Variants in GPM6A observed in about 807,000 individuals in gnomAD.
The protein encoded by GPM6A is neuronal membrane glycoprotein M6-a.
A neutral mutation model predicts 32.1 loss-of-function variants in GPM6A; 7 were observed. That is an observed-to-expected ratio of 0.22 (90% CI 0.12 to 0.41). The LOEUF (loss-of-function observed/expected upper bound fraction) is 0.41, where lower values mean the gene tolerates loss of function less well. GPM6A is among the 10% of genes least tolerant of loss of function. The probability of loss-of-function intolerance (pLI) is 1.00; values close to 1 mark genes in which losing one functional copy is unlikely to be tolerated. For missense variants in GPM6A, 235 were observed against 347.2 expected (o/e 0.68, Z 2.57); for synonymous variants, 130 against 123.4 (o/e 1.05, Z -0.35).
At chr4:175,789,545 G>A (rs1733928079) in intron 1 of GPM6A, among the ~76,000 whole-genome samples, 1 of 152,046 alleles carries the variant, frequency 6.6e-6, no homozygotes, top group African/African-American at 2.4e-5. Context: ...TAGGCTAAAT[G>A]TCTTCTGAGG....
At chr4:175,638,452 GCTTT>G (rs1345306181) in intron 6 of GPM6A, among the ~76,000 whole-genome samples, 1 of 151,944 alleles carries the variant, frequency 6.6e-6, no homozygotes, top group African/African-American at 2.4e-5. Flanking sequence ...AATCTTCTAA[GCTTT>G]CTGTTTTAAA....
At chr4:175,745,620 A>C (rs555666549) in intron 1 of GPM6A, among the ~76,000 whole-genome samples, 1 of 152,330 alleles carries the variant, frequency 6.6e-6, no homozygotes, top group Admixed American at 6.5e-5. Flanking sequence ...GTTCACAGAA[A>C]TCCTCATAAC....
chr4:175,764,852 T>C (rs1270512927), intron 1 of GPM6A, among the ~76,000 whole-genome samples: 1 of 141,554 alleles, frequency 7.1e-6, no homozygotes, highest in East Asian at 2.0e-4. Flanking sequence ...AAGGCATTAT[T>C]ATTATTATTA....
chr4:175,685,906 G>A (rs1417348102), intron 2 of GPM6A, among the ~76,000 whole-genome samples: 1 of 151,718 alleles, frequency 6.6e-6, no homozygotes, highest in East Asian at 1.9e-4. Context: ...AAGTAAAAAT[G>A]ATCATTAAAA....
At chr4:175,881,317 T>A (rs1227916993) in intron 1 of GPM6A, among the ~76,000 whole-genome samples, 1 of 152,154 alleles carries the variant, frequency 6.6e-6, no homozygotes, top group Admixed American at 6.5e-5. Context: ...CCAGTTAGAA[T>A]GGCGATCATT....
At chr4:175,827,808 AT>A (rs1294795643) in intron 1 of GPM6A, among the ~76,000 whole-genome samples, 1 of 152,174 alleles carries the variant, frequency 6.6e-6, no homozygotes, top group Non-Finnish European at 1.5e-5. Flanking sequence ...TTCATCAGGG[AT>A]TTAGTGAGGA....
intron 2 of GPM6A, among the ~76,000 whole-genome samples, chr4:175,700,921 C>A (rs1012743538): frequency 2.6e-5 from 4 of 152,238 alleles, no homozygotes; most frequent in African/African-American, 9.6e-5. Context: ...GAAATTTCAA[C>A]AGCAAACTTT....
chr4:175,782,114 C>T (rs765677899), intron 1 of GPM6A, among the ~76,000 whole-genome samples: 1 of 152,098 alleles, frequency 6.6e-6, no homozygotes, highest in African/African-American at 2.4e-5. Flanking sequence ...CTATAATAAT[C>T]ACAGCATTGT....
At chr4:175,812,326 T>TTTTTTTA, upstream of GPM6A, 1 of 1,385,958 alleles carries the variant, frequency 7.2e-7, no homozygotes, top group Non-Finnish European at 9.3e-7. Flanking sequence ...TTTTTTTTTT[T>TTTTTTTA]TTTTTTTTTT....
At chr4:175,791,402 C>T (rs923557336) in intron 1 of GPM6A, among the ~76,000 whole-genome samples, 1 of 152,160 alleles carries the variant, frequency 6.6e-6, no homozygotes, top group African/African-American at 2.4e-5. Flanking sequence ...ATTAAGGTCT[C>T]AGAGGTTAAG....
intron 1 of GPM6A, among the ~76,000 whole-genome samples, chr4:175,997,415 G>T (rs570043900): frequency 3.1e-4 from 47 of 151,748 alleles, no homozygotes; most frequent in Non-Finnish European, 5.7e-4. Flanking sequence ...TCATAAAAGT[G>T]TTCTTGATTT....
intron 1 of GPM6A, among the ~76,000 whole-genome samples, chr4:175,713,251 G>A (rs965734281): frequency 1.1e-4 from 16 of 151,948 alleles, no homozygotes; most frequent in Admixed American, 2.0e-4. Flanking sequence ...CGCCCAGGCC[G>A]GAATGCGATG....
chr4:175,787,349 C>A (rs1733842746), intron 1 of GPM6A: 2 of 1,533,962 alleles, frequency 1.3e-6, no homozygotes, highest in Admixed American at 2.0e-5. Context: ...CCAGGTCTGT[C>A]ATAAAAGTGT....
chr4:175,831,433 C>A (rs1247895391), intron 1 of GPM6A, among the ~76,000 whole-genome samples: 1 of 152,144 alleles, frequency 6.6e-6, no homozygotes, highest in Non-Finnish European at 1.5e-5. Context: ...TGACTATAGA[C>A]AGTAATTTAT....
At chr4:175,984,227 A>T (rs979272527) in intron 1 of GPM6A, among the ~76,000 whole-genome samples, 3 of 152,158 alleles carry the variant, frequency 2.0e-5, no homozygotes, top group Non-Finnish European at 4.4e-5. Context: ...CAGTGGCATG[A>T]TCTCAGCTCA....
At chr4:175,768,470 G>A (rs1733059638) in intron 1 of GPM6A, among the ~76,000 whole-genome samples, 2 of 152,098 alleles carry the variant, frequency 1.3e-5, no homozygotes, top group South Asian at 4.2e-4. Context: ...GATTCAAGGT[G>A]TTTCTTGGGA....
At chr4:175,841,983 C>T (rs1054999714) in intron 1 of GPM6A, among the ~76,000 whole-genome samples, 2 of 152,040 alleles carry the variant, frequency 1.3e-5, no homozygotes, top group Non-Finnish European at 2.9e-5. Flanking sequence ...CATGAATATA[C>T]ATGTAGCCAA....
chr4:175,759,759 T>C (rs1732667034), intron 1 of GPM6A, among the ~76,000 whole-genome samples: 1 of 152,218 alleles, frequency 6.6e-6, no homozygotes, highest in African/African-American at 2.4e-5. Context: ...CACTTTATAG[T>C]AAAAATTTAA....
At chr4:175,643,493 C>A (rs1467668856) in intron 4 of GPM6A, among the ~76,000 whole-genome samples, 8 of 152,176 alleles carry the variant, frequency 5.3e-5, no homozygotes, top group Admixed American at 5.2e-4. Context: ...CGGCTCTTCT[C>A]TCTGACAAGA....
Sources: gnomAD v4.1 joint callset for allele counts (sites outside exome capture counted in the v4.1 genomes callset) on GRCh38, gnomAD v4.1.1 for gene constraint, MANE v1.5 for transcripts, NCBI Gene and HGNC (gene_info 2026-07-23, HGNC 2026-07-21) for gene names.